The following ULK4 variants were observed in gnomAD, a reference collection of about 807,000 sequenced individuals.
ULK4 encodes inactive serine/threonine-protein kinase ULK4.
ULK4 carries 133 observed loss-of-function variants against 160.6 expected under a neutral mutation model. The observed-to-expected ratio is 0.83, with a 90% CI of 0.72 to 0.96. ULK4 has a LOEUF of 0.96. Among genes scored for constraint, ULK4 ranks in the 40% least tolerant of loss-of-function variants. The pLI is 0.00. For missense variants in ULK4, 1,580 were observed against 1,499.5 expected (o/e 1.05, Z -0.89); for synonymous variants, 534 against 539.8 (o/e 0.99, Z 0.15).
intron 34 of ULK4, among the ~76,000 whole-genome samples, chr3:41,448,251 G>A (rs1049826833): frequency 1.3e-4 from 20 of 152,058 alleles, no homozygotes; most frequent in African/African-American, 3.6e-4. Context: ...TATGGGAGCC[G>A]GGGTCTGAGG....
intron 17 of ULK4, among the ~76,000 whole-genome samples, chr3:41,870,365 C>T (rs1214625798): frequency 2.0e-5 from 3 of 152,034 alleles, no homozygotes; most frequent in Admixed American, 2.0e-4. Context: ...AATATTATTC[C>T]ACAAAGTCTC....
intron 35 of ULK4, among the ~76,000 whole-genome samples, chr3:41,396,426 TTCTGACATTC>T (rs1198342590): frequency 1.3e-5 from 2 of 152,286 alleles, no homozygotes; most frequent in Admixed American, 6.5e-5. Context: ...TTTTCCAAGC[TTCTGACATTC>T]TCTACCATAT....
intron 7 of ULK4, among the ~76,000 whole-genome samples, chr3:41,916,289 T>G (rs529406985): frequency 4.8e-4 from 73 of 152,120 alleles, no homozygotes; most frequent in Non-Finnish European, 9.4e-4. Context: ...GAAATGTAAA[T>G]CTCAAAAACT....
intron 17 of ULK4, among the ~76,000 whole-genome samples, chr3:41,867,916 T>C (rs1696953707): frequency 6.6e-6 from 1 of 151,688 alleles, no homozygotes; most frequent in African/African-American, 2.4e-5. Context: ...TTTCCTGACA[T>C]TTGGGGGATT....
rs1444965284 is a variant in ULK4 at position 41,702,847 on chromosome 3, T to TG, written c.2781+2209_2781+2210insC. ...AATTAGTAAGTTTTTTTTGTTTGTT[T>TG]TTTTTTGGTTTTGTTTTTTTTTTTT... On this transcript the variant is annotated intron_variant, in intron 27 of 36. Coordinates refer to ENST00000301831, the MANE Select transcript of ULK4 (RefSeq NM_017886.4). Among the ~76,000 whole-genome samples the TG allele has an allele frequency of 8.5e-5, 12 of 140,880 alleles. No individual in the cohort carries two copies. In the South Asian group the frequency reaches 2.5e-3, roughly 30 times the overall value. 92.4% of individuals were successfully genotyped at this position (140,880 alleles called of 152,430 possible).
At chr3:41,704,953 G>C (rs2036818165) in intron 27 of ULK4, 104 bp downstream of exon 27, 1 of 789,600 alleles carries the variant, frequency 1.3e-6, no homozygotes, top group Non-Finnish European at 1.9e-6. Context: ...GTTATTTCAT[G>C]TGAGGAACAC....
intron 35 of ULK4, among the ~76,000 whole-genome samples, chr3:41,377,210 G>T (rs183808820): frequency 5.3e-5 from 8 of 152,058 alleles, no homozygotes; most frequent in East Asian, 1.9e-4. Context: ...TTACACCTTA[G>T]ACAAAAATCA....
intron 29 of ULK4, among the ~76,000 whole-genome samples, chr3:41,671,273 G>C (rs896175935): frequency 6.6e-6 from 1 of 151,832 alleles, no homozygotes; most frequent in African/African-American, 2.4e-5. Context: ...AAAAAGGCCA[G>C]AATAGCTAAA....
intron 20 of ULK4, among the ~76,000 whole-genome samples, chr3:41,790,708 G>A (rs1399461963): frequency 2.0e-5 from 3 of 152,148 alleles, no homozygotes; most frequent in Non-Finnish European, 2.9e-5. Context: ...TGTAGAAAAA[G>A]AAGTACACAG....
rs182577732 is a variant in ULK4, at chr3:41,652,037, A to G, written c.3071+11570T>C. ...CCCAGCCTATAGGGCTGCTATGAAAATATGGATTCAAAAGTTTAAGTTGTC... is the reference window on the plus strand; with the variant it reads ...CCCAGCCTATAGGGCTGCTATGAAAGTATGGATTCAAAAGTTTAAGTTGTC... On this transcript the variant is annotated intron_variant, in intron 30 of 36. Coordinates refer to ENST00000301831, the MANE Select transcript of ULK4 (RefSeq NM_017886.4). Among the ~76,000 whole-genome samples, 341 of 152,286 alleles carry G rather than the reference A, an allele frequency of 2.2e-3. 6 individuals are homozygous for G. Among genetic ancestry groups the G allele is most frequent in the Admixed American group, 0.021 (314 of 15,294 alleles).
At chr3:41,475,753 G>A (rs1401671046) in intron 32 of ULK4, among the ~76,000 whole-genome samples, 2 of 152,148 alleles carry the variant, frequency 1.3e-5, no homozygotes, top group Admixed American at 6.6e-5. Flanking sequence ...ACTGTGGACT[G>A]AAGTCAGACT....
chr3:41,286,604 AC>A (rs1389138311), intron 35 of ULK4, among the ~76,000 whole-genome samples: 1 of 152,108 alleles, frequency 6.6e-6, no homozygotes, highest in African/African-American at 2.4e-5. Context: ...CCCCGCCAGC[AC>A]CCTAAACTGC....
intron 31 of ULK4, among the ~76,000 whole-genome samples, chr3:41,570,499 G>A (rs1294066874): frequency 9.7e-6 from 1 of 103,012 alleles, no homozygotes; most frequent in Non-Finnish European, 2.0e-5. Flanking sequence ...TGAAGAAAGT[G>A]GAGCTAATAA....
chr3:41,515,195 T>A (rs2085710741), intron 32 of ULK4, among the ~76,000 whole-genome samples: 1 of 151,786 alleles, frequency 6.6e-6, no homozygotes, highest in Non-Finnish European at 1.5e-5. Context: ...AGGTGGAGGT[T>A]GCAGTGAGCT....
At chr3:41,261,009 C>T (rs2078929862) in intron 35 of ULK4, among the ~76,000 whole-genome samples, 1 of 152,110 alleles carries the variant, frequency 6.6e-6, no homozygotes, top group Admixed American at 6.5e-5. Context: ...AGGAAGAAAA[C>T]AGCAGATGAC....
intron 17 of ULK4, among the ~76,000 whole-genome samples, chr3:41,841,453 G>A (rs1445817305): frequency 9.1e-5 from 13 of 143,084 alleles, no homozygotes; most frequent in South Asian, 2.3e-4. Flanking sequence ...ACCTCTGCCC[G>A]GCCGCCCCGT....
At chr3:41,938,302 A>G in intron 2 of ULK4, 105 bp from the exon 3 acceptor site, 1 of 815,354 alleles carries the variant, frequency 1.2e-6, no homozygotes, top group Non-Finnish European at 1.9e-6. Flanking sequence ...GAAAATGGTG[A>G]CATTTATTTG....
intron 34 of ULK4, 89 bp from the exon 35 acceptor site, chr3:41,398,353 G>GT: frequency 1.5e-6 from 2 of 1,323,230 alleles, no homozygotes; most frequent in Non-Finnish European, 2.1e-6. Flanking sequence ...CTTGATGGGG[G>GT]TGTCAGCCTG....
intron 35 of ULK4, among the ~76,000 whole-genome samples, chr3:41,381,366 C>A (rs1018911773): frequency 2.6e-5 from 4 of 152,192 alleles, no homozygotes; most frequent in African/African-American, 9.7e-5. Flanking sequence ...CTGCTTTAGT[C>A]CAGACCTCTT....
Sources: gnomAD v4.1 joint callset for allele counts (sites outside exome capture counted in the v4.1 genomes callset) on GRCh38, gnomAD v4.1.1 for gene constraint, MANE v1.5 for transcripts, NCBI Gene and HGNC (gene_info 2026-07-23, HGNC 2026-07-21) for gene names.